The following JSRP1 variants were observed in gnomAD, a reference collection of about 807,000 sequenced individuals.
JSRP1 encodes 2310032K21Rik.
JSRP1 carries 29 observed loss-of-function variants against 21.4 expected under a neutral mutation model. The ratio of observed to expected loss-of-function variants is 1.36; its 90% confidence interval spans 1.01 to 1.85. The LOEUF is 1.85. Among genes scored for constraint, JSRP1 ranks in the 40% most tolerant of loss-of-function variants. The pLI is 0.00. For missense variants in JSRP1, 531 were observed against 461.5 expected, an observed-to-expected ratio of 1.15 and a Z score of -1.38; for synonymous variants, 221 against 206.1, an observed-to-expected ratio of 1.07 and a Z score of -0.62.
At position 2,252,625 on chromosome 19, in the gene JSRP1, C is replaced by T. The variant is rs1160300858; in HGVS notation, c.700G>A (p.Gly234Arg). 6.2e-7 allele frequency: 1 copy of T among 1,612,580 alleles called. No individual in the cohort carries two copies. Among genetic ancestry groups the T allele is most frequent in the South Asian group, 1.1e-5 (1 of 91,082 alleles). ...REDRVTLADR[G>R]PKERPRREGK... ...TCTCTCCGAGGCCTCTCCTTGGGTC[C>T]CCGGTCTGCGAGGGTCACACGGTCC... The change falls in exon 7 of 7, where the codon GGA (glycine) becomes AGA (arginine). Residue 234 changes from glycine to arginine, a missense_variant. Physicochemically the swap from Gly to Arg is moderately radical, Grantham distance 125. Coordinates refer to ENST00000300961, the MANE Select transcript of JSRP1 (RefSeq NM_144616.4).
At chr19:2,254,993 C>T (rs1314994113) in intron 2 of JSRP1, among the ~76,000 whole-genome samples, 2 of 152,146 alleles carry the variant, frequency 1.3e-5, no homozygotes, top group African/African-American at 2.4e-5. Flanking sequence ...ACGTGGGATT[C>T]GAACCTAGAT....
intron 1 of JSRP1, among the ~76,000 whole-genome samples, 196 bp from the exon 2 acceptor site, chr19:2,255,540 G>T (rs1446562207): frequency 6.6e-6 from 1 of 152,204 alleles, no homozygotes; most frequent in Non-Finnish European, 1.5e-5. Context: ...CCTGCCCTGG[G>T]ACCCCTCCCT....
chr19:2,255,676 C>T (rs921653366), intron 1 of JSRP1, among the ~76,000 whole-genome samples: 1 of 152,242 alleles, frequency 6.6e-6, no homozygotes, highest in East Asian at 1.9e-4. Flanking sequence ...CAAACCGAAA[C>T]TCTTGGCCCC....
chr19:2,253,078 T>G (rs2025087779), intron 5 of JSRP1, 75 bp from the exon 6 acceptor site: 2 of 1,029,990 alleles, frequency 1.9e-6, no homozygotes, highest in Non-Finnish European at 2.9e-6. Flanking sequence ...CCCTCACCCC[T>G]AGAGCCCCCC....
At chr19:2,255,912 C>T (rs2145040834) in intron 1 of JSRP1, among the ~76,000 whole-genome samples, 1 of 152,294 alleles carries the variant, frequency 6.6e-6, no homozygotes, top group South Asian at 2.1e-4. Flanking sequence ...CTGGTCGTGA[C>T]AGGCCGGGGC....
rs1160056452 is a variant in JSRP1 at position 2,253,757 on chromosome 19, G to C, written c.299C>G (p.Thr100Ser). 6 of 1,457,076 alleles carry C rather than the reference G, an allele frequency of 4.1e-6. No individual in the cohort carries two copies. Among genetic ancestry groups the C allele is most frequent in the South Asian group, 2.7e-5 (2 of 73,778 alleles). 90.3% of individuals were successfully genotyped at this position (1,457,076 alleles called of 1,614,324 possible). ...RSVPARKKAQTAPPLQPPPPP... is the reference protein window; with the variant it reads ...RSVPARKKAQSAPPLQPPPPP... ...CGGCGGCGGCTGCAGGGGCGGCGCG[G>C]TCTGCGCCTTCTTGCGCGCGGGGAC... Residue 100 changes from threonine (T) to serine (S), a missense_variant, in exon 5 of 7, where the codon ACC becomes AGC. By Grantham distance (58) the Thr-to-Ser change is moderately conservative. Transcript: ENST00000300961.
At position 2,252,713 on chromosome 19, in the gene JSRP1, A is replaced by T. The variant is rs184765023; in HGVS notation, c.612T>A (p.Ser204Arg). 6 of 1,608,852 alleles carry T rather than the reference A, an allele frequency of 3.7e-6. No individual in the cohort carries two copies. In the African/African-American group the frequency reaches 4.1e-5, roughly 11 times the overall value. The change falls in exon 7 of 7, where the codon AGT becomes AGA. Residue 204 changes from serine (S) to arginine (R), a missense_variant. Physicochemically the swap from Ser to Arg is moderately radical, Grantham distance 110. Coordinates refer to ENST00000300961, the MANE Select transcript of JSRP1 (RefSeq NM_144616.4). ...EAEVRPKIPG[S>R]REAAENDEEE... ...CTTCGTCGTTCTCTGCAGCCTCCCG[A>T]CTCCCGGGAATCTTGGGTCTGACCT...
At position 2,254,227 on chromosome 19, in the gene JSRP1, C is replaced by A. The variant is rs761788031; in HGVS notation, c.222G>T (p.Gly74=). ...KKMEKEPAAR[G]TPGTGKERLK... ...GCCTCTCCTTCCCCGTTCCTGGGGT[C>A]CCCCTGGCGGCAGGCTCTTTTTCCA... The change falls in exon 4 of 7, where the codon GGG becomes GGT. Residue 74 remains glycine (G), a synonymous_variant. Coordinates refer to ENST00000300961, the MANE Select transcript of JSRP1 (RefSeq NM_144616.4). The A allele has an allele frequency of 1.2e-5, 19 of 1,606,084 alleles. No homozygotes were observed. Among genetic ancestry groups the A allele is most frequent in the Admixed American group, 8.5e-5 (5 of 58,670 alleles).
chr19:2,255,261 G>A lies in JSRP1; in HGVS notation c.54C>T (p.Cys18=), dbSNP rs2025130868. 1 of 1,611,378 alleles carries A rather than the reference G, an allele frequency of 6.2e-7. No individual in the cohort carries two copies. The highest frequency in any genetic ancestry group is 2.2e-5 in the East Asian group (1 of 44,796). ...WEELDGGLGS[C]QALEDHSALA... ...GCGCAGAGTGGTCCTCCAGGGCCTGGCAGCTGCCCAGGCCGCCATCCAGCT... is the reference window on the plus strand; with the variant it reads ...GCGCAGAGTGGTCCTCCAGGGCCTGACAGCTGCCCAGGCCGCCATCCAGCT... The change falls in exon 2 of 7, where the codon TGC becomes TGT. Residue 18 remains cysteine, a synonymous_variant. Coordinates refer to ENST00000300961, the MANE Select transcript of JSRP1 (RefSeq NM_144616.4).
At chr19:2,254,819 G>A (rs868011560) in intron 2 of JSRP1, among the ~76,000 whole-genome samples, 3 of 152,078 alleles carry the variant, frequency 2.0e-5, no homozygotes, top group Admixed American at 6.5e-5. Flanking sequence ...TTGAGCCTGG[G>A]AGGTCAAGGC....
chr19:2,253,748 G>T lies in JSRP1; in HGVS notation c.308C>A (p.Pro103His), dbSNP rs1384405260. The change falls in exon 5 of 7, where the codon CCC (proline) becomes CAC (histidine). Residue 103 changes from proline to histidine, a missense_variant. Physicochemically the swap from Pro to His is moderately conservative, Grantham distance 77. Transcript: ENST00000300961. ...PARKKAQTAP[P>H]LQPPPPPPAL... ...CGGGGGCGGCGGCGGCGGCTGCAGGGGCGGCGCGGTCTGCGCCTTCTTGCG... is the reference window on the plus strand; with the variant it reads ...CGGGGGCGGCGGCGGCGGCTGCAGGTGCGGCGCGGTCTGCGCCTTCTTGCG... The T allele has an allele frequency of 6.8e-7, 1 of 1,479,364 alleles. No homozygotes were observed. Among genetic ancestry groups the T allele is most frequent in the Non-Finnish European group, 8.9e-7 (1 of 1,124,158 alleles). 91.6% of individuals were successfully genotyped at this position (1,479,364 alleles called of 1,614,324 possible).
At chr19:2,254,943 G>T (rs1006036390) in intron 2 of JSRP1, among the ~76,000 whole-genome samples, 3 of 152,078 alleles carry the variant, frequency 2.0e-5, no homozygotes, top group African/African-American at 7.2e-5. Flanking sequence ...GACAGGCTTG[G>T]AGACAGCTTT....
intron 3 of JSRP1, 41 bp downstream of exon 3, chr19:2,254,404 C>T (rs1161898041): frequency 1.2e-6 from 2 of 1,612,060 alleles, no homozygotes; most frequent in Admixed American, 1.7e-5. Context: ...CCCAACTCCC[C>T]AGGCGTCCTG....
At chr19:2,254,409 G>A (rs3787013) in intron 3 of JSRP1, 36 bp downstream of exon 3, 58,215 of 1,612,132 alleles carry the variant, frequency 0.036, 2,404 homozygotes, top group East Asian at 0.19. Flanking sequence ...CTCCCCAGGC[G>A]TCCTGGGTTA....
intron 1 of JSRP1, among the ~76,000 whole-genome samples, 189 bp downstream of exon 1, chr19:2,256,194 T>C (rs997141961): frequency 6.6e-6 from 1 of 152,094 alleles, no homozygotes; most frequent in African/African-American, 2.4e-5. Context: ...AAGGGGCCTA[T>C]TGCGTGGCAG....
chr19:2,255,029 T>C (rs2025127214), intron 2 of JSRP1, among the ~76,000 whole-genome samples, 177 bp downstream of exon 2: 1 of 152,168 alleles, frequency 6.6e-6, no homozygotes, highest in Non-Finnish European at 1.5e-5. Flanking sequence ...CCTGTCTTCC[T>C]TGGGGGCTCC....
rs758172548 is a variant in JSRP1 at position 2,252,359 on chromosome 19, C to T, written c.966G>A (p.Gln322=). The T allele has an allele frequency of 9.9e-5, 153 of 1,550,614 alleles. No individual in the cohort carries two copies. Among genetic ancestry groups the T allele is most frequent in the Non-Finnish European group, 1.3e-4 (145 of 1,152,238 alleles). Residue 322 remains glutamine, a synonymous_variant, in exon 7 of 7, where the codon CAG becomes CAA. Transcript: ENST00000300961. ...CCCGCCCCTTGCCTGCGCGGAGCTT[C>T]TGGCGACTCCCAGGCCGCTGCTCCT... ...PDEEQRPGSR[Q]KLRAGKGRD is the part of the protein sequence containing the mutation.
Position 2,253,777 on chromosome 19 carries a change from G to T in JSRP1, c.279C>A (p.Pro93=), listed in dbSNP as rs1472085736. Residue 93 remains proline, a synonymous_variant, in exon 5 of 7, where the codon CCC becomes CCA. Transcript: ENST00000300961. The stretch of plus-strand genomic sequence containing the variant: ...GCGCGGTCTGCGCCTTCTTGCGCGC[G>T]GGGACGCTCCGAGGGCCTGCGGGGG... ...LKAGASPRSV[P]ARKKAQTAPP... is the part of the protein sequence containing the mutation. The T allele has an allele frequency of 4.9e-6, 7 of 1,421,086 alleles. No homozygotes were observed. Among genetic ancestry groups the T allele is most frequent in the Non-Finnish European group, 6.4e-6 (7 of 1,099,858 alleles). The allele number at this position is 1,421,086 out of a possible 1,614,324, so 88.0% of individuals were successfully genotyped here.
At chr19:2,254,714 C>T (rs1230067432) in intron 2 of JSRP1, among the ~76,000 whole-genome samples, 3 of 139,262 alleles carry the variant, frequency 2.2e-5, no homozygotes, top group Non-Finnish European at 4.5e-5. Context: ...TAGTGAGACC[C>T]CATCTCTAAA....
Sources: allele counts gnomAD v4.1 joint callset (sites outside exome capture counted in the v4.1 genomes callset), GRCh38; gene constraint gnomAD v4.1.1; transcripts MANE v1.5; gene names NCBI Gene and HGNC (gene_info 2026-07-23, HGNC 2026-07-21).